Variants in JAK1 observed in about 807,000 individuals in gnomAD.
JAK1 encodes the protein Janus kinase 1.
In JAK1, 16 loss-of-function variants were observed where a neutral mutation model predicts 136.6. That is an observed-to-expected ratio of 0.12 (90% confidence interval 0.08 to 0.18). The LOEUF (loss-of-function observed/expected upper bound fraction) is 0.18, where lower values mean the gene tolerates loss of function less well. Ranked by LOEUF, JAK1 falls within the 10% of genes least tolerant of loss-of-function variation. The pLI is 1.00. For synonymous variants in JAK1, 492 were observed against 519.5 expected (o/e 0.95, Z 0.72); for missense variants, 859 against 1,450.1 (o/e 0.59, Z 6.62).
chr1:64,904,195 G>A (rs1645156257), intron 1 of JAK1, among the ~76,000 whole-genome samples: 1 of 152,208 alleles, frequency 6.6e-6, no homozygotes, highest in African/African-American at 2.4e-5. Context: ...AAATGTCACA[G>A]TCAGGAGTGA....
At chr1:64,923,934 A>T (rs367881570) in intron 1 of JAK1, among the ~76,000 whole-genome samples, 2 of 152,074 alleles carry the variant, frequency 1.3e-5, no homozygotes. Flanking sequence ...CAATTTCAAC[A>T]TAATATAATG....
chr1:64,894,740 G>A (rs1338461718), intron 1 of JAK1, among the ~76,000 whole-genome samples: 1 of 152,246 alleles, frequency 6.6e-6, no homozygotes, highest in South Asian at 2.1e-4. Context: ...TCATGCTGCT[G>A]CACTCTAGCC....
Position 64,984,648 on chromosome 1 carries a change from C to A in JAK1, c.-78+59832G>T. 1.9e-6 allele frequency: 1 copy of A among 530,874 alleles called. No individual in the cohort carries two copies. The highest frequency in any genetic ancestry group is 3.6e-6 in the Non-Finnish European group (1 of 281,498). The allele number at this position is 530,874 out of a possible 1,614,324, so 32.9% of individuals were successfully genotyped here. On this transcript the variant is annotated intron_variant, in intron 2 of 25. Transcript: ENST00000671954. The surrounding 1 kb of genome is among the most constrained non-coding windows in gnomAD (Gnocchi z 4.1). The stretch of plus-strand genomic sequence containing the variant: ...TCTCCTTAGCAGGCTGGATACTGTT[C>A]ATCTCCATGACACAGTCCTTCCAGA...
upstream of JAK1, among the ~76,000 whole-genome samples, chr1:64,968,294 G>GA (rs879499140): frequency 8.7e-3 from 1,292 of 148,178 alleles, 8 homozygotes; most frequent in African/African-American, 0.028. Context: ...AAGATTCAGA[G>GA]AAAAAAAAAA....
At chr1:65,044,699 A>T (rs1647169086) in intron 1 of JAK1, among the ~76,000 whole-genome samples, 1 of 152,184 alleles carries the variant, frequency 6.6e-6, no homozygotes, top group South Asian at 2.1e-4. Flanking sequence ...CCAACAGGCC[A>T]ACGGCAAGGG....
At chr1:64,985,034 T>G in intron 2 of JAK1, 1 of 864,116 alleles carries the variant, frequency 1.2e-6, no homozygotes, top group South Asian at 1.3e-5. Context: ...CATCCTTCAA[T>G]AACAAACAAA....
chr1:64,933,858 G>C (rs780352818), intron 1 of JAK1, among the ~76,000 whole-genome samples: 3 of 152,192 alleles, frequency 2.0e-5, no homozygotes, highest in Non-Finnish European at 2.9e-5. Context: ...AATTCACACT[G>C]TTTCATACTG....
At chr1:64,997,021 A>G (rs1393963314) in intron 2 of JAK1, among the ~76,000 whole-genome samples, 1 of 152,226 alleles carries the variant, frequency 6.6e-6, no homozygotes, top group Non-Finnish European at 1.5e-5. Context: ...ATGGGTTTGC[A>G]GGTCAAGTCA....
intron 14 of JAK1, 61 bp from the exon 15 acceptor site, chr1:64,845,701 C>G: frequency 6.2e-7 from 1 of 1,602,728 alleles, no homozygotes; most frequent in Non-Finnish European, 8.5e-7. Flanking sequence ...TCTCCTTCAT[C>G]CCCTTACGAC....
chr1:64,943,982 G>C (rs1645935759), intron 1 of JAK1, among the ~76,000 whole-genome samples: 1 of 151,776 alleles, frequency 6.6e-6, no homozygotes, highest in Non-Finnish European at 1.5e-5. Context: ...CAGCACTTTG[G>C]GAGGCCGAGG....
chr1:64,906,266 C>T (rs1645188909), intron 1 of JAK1, among the ~76,000 whole-genome samples: 1 of 151,454 alleles, frequency 6.6e-6, no homozygotes, highest in African/African-American at 2.4e-5. Context: ...TGCTCTCCAG[C>T]CTGGGCAACA....
intron 12 of JAK1, 93 bp from the exon 13 acceptor site, chr1:64,847,768 A>T: frequency 7.0e-7 from 1 of 1,427,834 alleles, no homozygotes. Flanking sequence ...ATGGACTATC[A>T]ATGGGATGGG....
Position 64,855,639 on chromosome 1 carries a change from G to C in JAK1, c.1518C>G (p.Arg506=), listed in dbSNP as rs1375609782. ...KNFQIEVQKG[R]YSLHGSDRSF... is the part of the protein sequence containing the mutation. ...TGCGGTCCGAACCGTGCAGACTGTA[G>C]CGGCCCTTCTGCACCTCGATCTGAA... Residue 506 remains arginine (R), a synonymous_variant, in exon 11 of 25, where the codon CGC becomes CGG. Coordinates refer to ENST00000342505, the MANE Select transcript of JAK1 (RefSeq NM_002227.4). 1 of 1,614,004 alleles carries C rather than the reference G, an allele frequency of 6.2e-7. No individual in the cohort carries two copies. The highest frequency in any genetic ancestry group is 1.7e-5 in the Admixed American group (1 of 59,990).
At chr1:65,010,259 A>T (rs1646837476) in intron 2 of JAK1, among the ~76,000 whole-genome samples, 1 of 152,144 alleles carries the variant, frequency 6.6e-6, no homozygotes, top group Non-Finnish European at 1.5e-5. Flanking sequence ...CATACAAGGC[A>T]CTGTGGCTTC....
In JAK1 at chr1:64,846,525, C is replaced by T. The variant is rs1405350979; in HGVS notation, c.1987+124G>A. On this transcript the variant is annotated intron_variant, in intron 14 of 24. Transcript: ENST00000342505. ...ATGACCTGCTCAGTCCCTCAATCTC[C>T]TCAACTGCAAAAAGAAAGGCAAGAA... is the stretch of plus-strand genomic sequence containing the variant. 6 of 699,998 alleles carry T rather than the reference C, an allele frequency of 8.6e-6. No homozygotes were observed. The Admixed American group carries it at 8.8e-5, about 10-fold the overall frequency. The allele number at this position is 699,998 out of a possible 1,614,324, so 43.4% of individuals were successfully genotyped here.
intron 22 of JAK1, 82 bp downstream of exon 22, chr1:64,837,850 A>G (rs992176493): frequency 1.7e-6 from 2 of 1,211,244 alleles, no homozygotes; most frequent in Admixed American, 2.2e-5. Context: ...AATGAGACAC[A>G]TTAATATAGC....
At chr1:65,044,454 T>C (rs772505541) in intron 2 of JAK1, among the ~76,000 whole-genome samples, 3 of 152,198 alleles carry the variant, frequency 2.0e-5, no homozygotes, top group Non-Finnish European at 4.4e-5. Flanking sequence ...TGGGTTAGTG[T>C]GACATTAGGA....
intron 1 of JAK1, among the ~76,000 whole-genome samples, chr1:64,930,568 A>G (rs903012325): frequency 6.6e-6 from 1 of 152,232 alleles, no homozygotes; most frequent in African/African-American, 2.4e-5. Flanking sequence ...AATTAGTTCA[A>G]CCATTGTGGA....
At chr1:65,007,174 C>T (rs979665199) in intron 2 of JAK1, among the ~76,000 whole-genome samples, 2 of 151,566 alleles carry the variant, frequency 1.3e-5, no homozygotes, top group African/African-American at 2.4e-5. Flanking sequence ...AGGACAAAGA[C>T]AGCTTCAGGA....
Sources: gnomAD v4.1 joint callset for allele counts (sites outside exome capture counted in the v4.1 genomes callset) on GRCh38, gnomAD v4.1.1 for gene constraint, Gnocchi (gnomAD v3.1) non-coding constraint, MANE v1.5 for transcripts, NCBI Gene and HGNC (gene_info 2026-07-23, HGNC 2026-07-21) for gene names.